PDSS1: variants seen among roughly 807,000 people sequenced by gnomAD.
PDSS1 encodes decaprenyl diphosphate synthase subunit 1.
PDSS1 carries 43 observed loss-of-function variants against 57.5 expected under a neutral mutation model. The ratio of observed to expected loss-of-function variants is 0.75; its 90% CI spans 0.59 to 0.96. The LOEUF (loss-of-function observed/expected upper bound fraction) is 0.96. Among genes scored for constraint, PDSS1 ranks in the 50% least tolerant of loss-of-function variants. PDSS1 has a pLI of 0.00. For synonymous variants in PDSS1, 175 were observed against 191.3 expected (o/e 0.91, Z 0.70); for missense variants, 438 against 527.8 (o/e 0.83, Z 1.67).
At chr10:26,706,760 G>C (rs1336121809) in intron 4 of PDSS1, among the ~76,000 whole-genome samples, 2 of 152,044 alleles carry the variant, frequency 1.3e-5, no homozygotes, top group African/African-American at 4.8e-5. Context: ...AGCTGGTTTT[G>C]CTTGGGTCAC....
chr10:26,742,712 C>G, intron 11 of PDSS1, 135 bp downstream of exon 11: 1 of 677,468 alleles, frequency 1.5e-6, no homozygotes, highest in Non-Finnish European at 2.6e-6. Context: ...GTGACAAAAA[C>G]TGAGAAGGGA....
chr10:26,714,070 A>C (rs1290993276), intron 5 of PDSS1, among the ~76,000 whole-genome samples: 1 of 152,152 alleles, frequency 6.6e-6, no homozygotes, highest in Non-Finnish European at 1.5e-5. Flanking sequence ...AATCCCGAAT[A>C]AACATCCTGT....
chr10:26,739,703 AT>A (rs1196832889), intron 10 of PDSS1, among the ~76,000 whole-genome samples: 9 of 152,208 alleles, frequency 5.9e-5, no homozygotes, highest in Admixed American at 1.3e-4. Flanking sequence ...GGTATGTGGT[AT>A]TAAAAAACTA....
chr10:26,734,864 G>A, intron 8 of PDSS1: 2 of 426,438 alleles, frequency 4.7e-6, no homozygotes. Context: ...CTTGCCGAGT[G>A]CTAGAAGTCA....
chr10:26,733,098 T>C (rs937756503), intron 8 of PDSS1, among the ~76,000 whole-genome samples: 5 of 152,072 alleles, frequency 3.3e-5, no homozygotes, highest in African/African-American at 4.8e-5. Context: ...AAAAAAGAAA[T>C]AGATTTTTAG....
intron 4 of PDSS1, among the ~76,000 whole-genome samples, chr10:26,706,268 C>T (rs532542332): frequency 6.6e-6 from 1 of 152,146 alleles, no homozygotes; most frequent in Non-Finnish European, 1.5e-5. Context: ...GACATTTTTT[C>T]TGTCTTTAGA....
intron 5 of PDSS1, among the ~76,000 whole-genome samples, chr10:26,714,172 G>A (rs1240083702): frequency 1.3e-5 from 2 of 151,936 alleles, no homozygotes; most frequent in Non-Finnish European, 1.5e-5. Context: ...AAAGAACCCA[G>A]ATCAAAAAAG....
chr10:26,722,761 T>G (rs1351082098), intron 6 of PDSS1, among the ~76,000 whole-genome samples: 1 of 151,854 alleles, frequency 6.6e-6, no homozygotes, highest in Non-Finnish European at 1.5e-5. Context: ...ATGTGATATA[T>G]AGGGTGTATT....
intron 10 of PDSS1, 72 bp from the exon 11 acceptor site, chr10:26,742,425 T>A: frequency 2.9e-6 from 3 of 1,042,752 alleles, no homozygotes; most frequent in Admixed American, 3.6e-5. Context: ...TGTTACAAAC[T>A]AGTGTTAGAA....
At chr10:26,728,946 C>A (rs1481267682) in intron 8 of PDSS1, among the ~76,000 whole-genome samples, 2 of 151,560 alleles carry the variant, frequency 1.3e-5, no homozygotes, top group Non-Finnish European at 2.9e-5. Flanking sequence ...ACCCGGATGA[C>A]TTTTTTGTAT....
Position 26,742,052 on chromosome 10 carries a change from T to C in PDSS1, c.1027-445T>C, listed in dbSNP as rs186933224. Among the ~76,000 whole-genome samples the C allele has an allele frequency of 5.9e-5, 9 of 152,186 alleles. No homozygotes were observed. In the East Asian group the frequency reaches 1.7e-3, roughly 29 times the overall value. On this transcript the variant is annotated intron_variant, in intron 10 of 11. Transcript: ENST00000376215. Reference sequence around the variant, plus strand: ...CATCATGCCCGGCTAATTTTTTGTATTTTTAGTAGAAACGGAGTTTCACCA... The same window carrying C: ...CATCATGCCCGGCTAATTTTTTGTACTTTTAGTAGAAACGGAGTTTCACCA...
chr10:26,704,780 C>G, intron 3 of PDSS1, 39 bp downstream of exon 3: 1 of 1,066,716 alleles, frequency 9.4e-7, no homozygotes, highest in South Asian at 1.3e-5. Context: ...TAAAATTATC[C>G]ATTTTTAAAT....
At chr10:26,737,089 A>G (rs1836431631) in intron 10 of PDSS1, among the ~76,000 whole-genome samples, 1 of 152,224 alleles carries the variant, frequency 6.6e-6, no homozygotes, top group Non-Finnish European at 1.5e-5. Context: ...CTTGGTAAAG[A>G]TTCCTTTACC....
Position 26,723,850 on chromosome 10 carries a change from T to G in PDSS1, c.654T>G (p.Ala218=), listed in dbSNP as rs184787673. 6.2e-7 allele frequency: 1 copy of G among 1,613,748 alleles called. No homozygotes were observed. Among genetic ancestry groups the G allele is most frequent in the Non-Finnish European group, 8.5e-7 (1 of 1,179,608 alleles). Residue 218 remains alanine, a synonymous_variant, in exon 7 of 12, where the codon GCT becomes GCG. Transcript: ENST00000376215. ...GDLILSAASI[A]LARIGNTTVI... ...TAATTCTTTCTGCAGCATCTATAGCTCTGGCACGAATTGGAAATACAACTG... is the reference window on the plus strand; with the variant it reads ...TAATTCTTTCTGCAGCATCTATAGCGCTGGCACGAATTGGAAATACAACTG...
chr10:26,742,397 TTTC>T (rs1836651669), intron 10 of PDSS1, 97 bp from the exon 11 acceptor site: 10 of 878,500 alleles, frequency 1.1e-5, no homozygotes, highest in Non-Finnish European at 1.8e-5. Context: ...ATTTTTGTTG[TTTC>T]TTGTTATTTC....
chr10:26,739,782 A>G (rs1836523697), intron 10 of PDSS1, among the ~76,000 whole-genome samples: 2 of 152,190 alleles, frequency 1.3e-5, no homozygotes, highest in South Asian at 4.1e-4. Context: ...CGAGAGGATC[A>G]CTTGAGGCCA....
At chr10:26,744,186 T>C (rs1470828020) in intron 11 of PDSS1, among the ~76,000 whole-genome samples, 1 of 152,134 alleles carries the variant, frequency 6.6e-6, no homozygotes, top group Non-Finnish European at 1.5e-5. Flanking sequence ...TCACTTATGC[T>C]AGAAAATGGT....
At position 26,735,138 on chromosome 10, in the gene PDSS1, T is replaced by C. The variant is rs1270497638; in HGVS notation, c.832-102T>C. The C allele has an allele frequency of 8.6e-6, 7 of 813,262 alleles. No individual in the cohort carries two copies. The Admixed American group carries it at 1.0e-4, about 12-fold the overall frequency. The allele number at this position is 813,262 out of a possible 1,614,324, so 50.4% of individuals were successfully genotyped here. On this transcript the variant is annotated intron_variant, in intron 8 of 11. Coordinates refer to ENST00000376215, the MANE Select transcript of PDSS1 (RefSeq NM_014317.5). ...CAGCATCTCCTGAGTGTGTATAATC[T>C]AGCCCCGCTGCCTCCTATTTTAAGG...
intron 8 of PDSS1, among the ~76,000 whole-genome samples, chr10:26,729,902 T>TC (rs1836107117): frequency 1.2e-4 from 15 of 125,034 alleles, no homozygotes; most frequent in Non-Finnish European, 1.6e-5. Flanking sequence ...AATAGTTGGT[T>TC]CCTTTTTTTT....
Sources: allele counts gnomAD v4.1 joint callset (sites outside exome capture counted in the v4.1 genomes callset), GRCh38; gene constraint gnomAD v4.1.1; transcripts MANE v1.5; gene names NCBI Gene and HGNC (gene_info 2026-07-23, HGNC 2026-07-21).